Variants in P3H1 observed in about 807,000 individuals in gnomAD.
P3H1 encodes the protein prolyl 3-hydroxylase 1, also known as growth suppressor 1.
P3H1 carries 69 observed loss-of-function variants against 84.0 expected under a neutral mutation model. The observed-to-expected ratio is 0.82, with a 90% CI of 0.68 to 1.00. The LOEUF (loss-of-function observed/expected upper bound fraction) is 1.00, where lower values mean the gene tolerates loss of function less well. Among genes scored for constraint, P3H1 ranks in the 50% least tolerant of loss-of-function variants. The probability of loss-of-function intolerance (pLI) is 0.00; values close to 1 mark genes in which losing one functional copy is unlikely to be tolerated. For synonymous variants in P3H1, 366 were observed against 388.8 expected (o/e 0.94, Z 0.69); for missense variants, 878 against 962.8 (o/e 0.91, Z 1.17).
intron 1 of P3H1, among the ~76,000 whole-genome samples, chr1:42,764,705 A>G (rs1652904035): frequency 6.6e-6 from 1 of 152,064 alleles, no homozygotes; most frequent in Non-Finnish European, 1.5e-5. Flanking sequence ...AAGAAAACTT[A>G]TTTTCTTATC....
chr1:42,752,791 G>A (rs760058007), intron 8 of P3H1, 127 bp from the exon 9 acceptor site: 43 of 1,195,286 alleles, frequency 3.6e-5, no homozygotes, highest in Non-Finnish European at 4.8e-5. Flanking sequence ...AAAATCTCCC[G>A]CTAGGTCATT....
In P3H1 at chr1:42,759,398, GA is replaced by G. The variant is rs759220502; in HGVS notation, c.619-9del. On this transcript the variant is annotated splice_polypyrimidine_tract_variant and intron_variant, in intron 2 of 14. Coordinates refer to ENST00000296388, the MANE Select transcript of P3H1 (RefSeq NM_022356.4). ...TCCCAGTCGAAATTCTTGCTACTGG[GA>G]AGAAGGAGCACTCAAATGCAGGCCA... 1 of 1,613,566 alleles carries G rather than the reference GA, an allele frequency of 6.2e-7. No homozygotes were observed. The highest frequency in any genetic ancestry group is 8.5e-7 in the Non-Finnish European group (1 of 1,179,598).
At chr1:42,758,801 T>C (rs566539692) in intron 4 of P3H1, 51 bp downstream of exon 4, 2 of 1,610,376 alleles carry the variant, frequency 1.2e-6, no homozygotes, top group African/African-American at 2.7e-5. Context: ...CCACCTTGCC[T>C]TTAGCTTCTT....
chr1:42,766,571 T>G lies in P3H1; in HGVS notation c.401A>C (p.Glu134Ala). 6.2e-7 allele frequency: 1 copy of G among 1,611,790 alleles called. No homozygotes were observed. Among genetic ancestry groups the G allele is most frequent in the Non-Finnish European group, 8.5e-7 (1 of 1,179,402 alleles). Residue 134 changes from glutamate (E) to alanine (A), a missense_variant, in exon 1 of 15, where the codon GAA becomes GCA. Physicochemically the swap from Glu to Ala is moderately radical, Grantham distance 107 (BLOSUM62 -1). Transcript: ENST00000296388. ...LGPPAAHSLS[E>A]EMELEFRKRS... is the part of the protein sequence containing the mutation. ...CTTGCGGAACTCCAGCTCCATCTCT[T>G]CGCTGAGCGAGTGGGCGGCCGGCGG...
chr1:42,755,625 A>G lies in P3H1; in HGVS notation c.1093T>C (p.Tyr365His), dbSNP rs1652361648. 6.2e-7 allele frequency: 1 copy of G among 1,613,422 alleles called. No individual in the cohort carries two copies. Among genetic ancestry groups the G allele is most frequent in the Non-Finnish European group, 8.5e-7 (1 of 1,179,620 alleles). ...SIGPRESAKE[Y>H]RQRSLLEKEL... is the part of the protein sequence containing the mutation. ...TTTTCCAGTAGGCTTCGCTGTCGGT[A>G]CTCCTTGGCACTCTGAGGGTAAAAA... is the stretch of plus-strand genomic sequence containing the variant. The change falls in exon 6 of 15, where the codon TAC (tyrosine) becomes CAC (histidine). Residue 365 changes from tyrosine (Y) to histidine (H), a missense_variant. Transcript: ENST00000296388.
At chr1:42,752,049 G>A (rs538879140) in intron 10 of P3H1, among the ~76,000 whole-genome samples, 12 of 152,318 alleles carry the variant, frequency 7.9e-5, no homozygotes, top group Non-Finnish European at 1.5e-4. Flanking sequence ...TAGCTTTGGC[G>A]AACAGTCTTA....
chr1:42,748,544 G>A (rs1557560656), intron 11 of P3H1: 3 of 577,072 alleles, frequency 5.2e-6, no homozygotes, highest in East Asian at 6.4e-5. Flanking sequence ...CAGGAATGAA[G>A]GGCTCCAACC....
chr1:42,750,654 G>T lies in P3H1; in HGVS notation c.1570-318C>A, dbSNP rs557622655. Among the ~76,000 whole-genome samples the T allele has an allele frequency of 5.4e-5, 7 of 129,762 alleles. 2 individuals carry two copies. In the East Asian group the frequency reaches 6.4e-4, roughly 12 times the overall value. 85.1% of individuals were successfully genotyped at this position (129,762 alleles called of 152,430 possible). On this transcript the variant is annotated intron_variant, in intron 10 of 14. Transcript: ENST00000296388. ...CACCCCGTCCGGGAGGGAGGCCGGG[G>T]GGGGTGGTCGGCCAGCCGCCCCGTC...
rs376514633 is a variant in P3H1, at chr1:42,747,273, C to A, written c.2054G>T (p.Arg685Leu). ...CTCACCCGCTCGAGCTGCTCTCACC[C>A]GCTCGCTGTGTCGAGGGTCCAGGGT... is the stretch of plus-strand genomic sequence containing the variant. ...WFTLDPRHSE[R>L]DRVQADDLVK... Residue 685 changes from arginine to leucine, a missense_variant and splice_region_variant, in exon 14 of 15, where the codon CGG becomes CTG. Physicochemically the swap from Arg to Leu is moderately radical, Grantham distance 102. Coordinates refer to ENST00000296388, the MANE Select transcript of P3H1 (RefSeq NM_022356.4). 2 of 1,614,090 alleles carry A rather than the reference C, an allele frequency of 1.2e-6. No homozygotes were observed. Among genetic ancestry groups the A allele is most frequent in the East Asian group, 2.2e-5 (1 of 44,880 alleles).
intron 8 of P3H1, among the ~76,000 whole-genome samples, chr1:42,753,176 G>T (rs1652206270): frequency 6.6e-6 from 1 of 152,158 alleles, no homozygotes; most frequent in Non-Finnish European, 1.5e-5. Context: ...CAAAAGTTTG[G>T]CTACCATGGT....
At chr1:42,755,777 C>T in intron 5 of P3H1, 140 bp from the exon 6 acceptor site, 1 of 702,482 alleles carries the variant, frequency 1.4e-6, no homozygotes, top group Non-Finnish European at 2.6e-6. Context: ...TCTGTCTGTT[C>T]CCCAGTTTGA....
intron 2 of P3H1, 54 bp downstream of exon 2, chr1:42,762,269 T>A: frequency 6.3e-7 from 1 of 1,582,524 alleles, no homozygotes. Context: ...AGACTCTGTC[T>A]CTAAAATAAA....
Position 42,759,512 on chromosome 1 carries a change from A to T in P3H1, c.619-122T>A. The T allele has an allele frequency of 3.9e-6, 3 of 769,358 alleles. No individual in the cohort carries two copies. In the South Asian group the frequency reaches 4.4e-5, roughly 11 times the overall value. 47.7% of individuals were successfully genotyped at this position (769,358 alleles called of 1,614,324 possible). On this transcript the variant is annotated intron_variant, in intron 2 of 14. Coordinates refer to ENST00000296388, the MANE Select transcript of P3H1 (RefSeq NM_022356.4). ...CTCAGGTTATGGATGGAAAGGGGTG[A>T]CCTGGGTACCACTATAAAATGAAGG...
At chr1:42,763,619 C>T (rs1652833412) in intron 1 of P3H1, among the ~76,000 whole-genome samples, 1 of 138,268 alleles carries the variant, frequency 7.2e-6, no homozygotes, top group Non-Finnish European at 1.5e-5. Context: ...TTACAGCGAG[C>T]CGAGATCACA....
chr1:42,766,393 G>A, intron 1 of P3H1, 114 bp downstream of exon 1: 1 of 956,738 alleles, frequency 1.0e-6, no homozygotes, highest in Non-Finnish European at 1.6e-6. Flanking sequence ...CCAGCCAGGA[G>A]GCCACTTTCC....
chr1:42,752,420 G>A, intron 9 of P3H1, 51 bp from the exon 10 acceptor site: 1 of 1,609,484 alleles, frequency 6.2e-7, no homozygotes, highest in Non-Finnish European at 8.5e-7. Context: ...CTGAGGGCTT[G>A]AGAAGAGGTG....
At chr1:42,753,603 G>T (rs1173962914) in intron 8 of P3H1, among the ~76,000 whole-genome samples, 2 of 152,116 alleles carry the variant, frequency 1.3e-5, no homozygotes, top group South Asian at 4.2e-4. Context: ...AAGAAAGGAG[G>T]GGACTCCAAT....
intron 9 of P3H1, 35 bp from the exon 10 acceptor site, chr1:42,752,404 G>C (rs1453556117): frequency 1.2e-6 from 2 of 1,610,916 alleles, no homozygotes; most frequent in African/African-American, 1.3e-5. Context: ...ATGTTAGCCA[G>C]GGCAGCTGAG....
In P3H1 at chr1:42,759,409, A is replaced by G. The variant is rs1430217822; in HGVS notation, c.619-19T>C. ...ATTCTTGCTACTGGGAAGAAGGAGC[A>G]CTCAAATGCAGGCCACAGAGGAGGA... On this transcript the variant is annotated intron_variant, in intron 2 of 14. Transcript: ENST00000296388. The G allele has an allele frequency of 1.9e-6, 3 of 1,612,124 alleles. No homozygotes were observed. The highest frequency in any genetic ancestry group is 1.7e-5 in the Admixed American group (1 of 59,970).
Sources: gnomAD v4.1 joint callset for allele counts (sites outside exome capture counted in the v4.1 genomes callset) on GRCh38, gnomAD v4.1.1 for gene constraint, MANE v1.5 for transcripts, NCBI Gene and HGNC (gene_info 2026-07-23, HGNC 2026-07-21) for gene names.